PTPRD: variants seen among roughly 807,000 people sequenced by gnomAD.
The protein encoded by PTPRD is protein tyrosine phosphatase receptor type D.
A neutral mutation model predicts 214.5 loss-of-function variants in PTPRD; 34 were observed. The ratio of observed to expected loss-of-function variants is 0.16; its 90% CI spans 0.12 to 0.21. The LOEUF (loss-of-function observed/expected upper bound fraction) is 0.21. Among genes scored for constraint, PTPRD ranks in the 10% least tolerant of loss-of-function variants. The pLI, the probability that PTPRD is intolerant of heterozygous loss-of-function variation, is 1.00. For synonymous variants in PTPRD, 1,128 were observed against 845.7 expected (o/e 1.33, Z -5.79); for missense variants, 2,545 against 2,398.7 (o/e 1.06, Z -1.27).
intron 3 of PTPRD, among the ~76,000 whole-genome samples, chr9:10,316,709 G>C (rs11999996): frequency 0.054 from 8,180 of 151,802 alleles, 719 homozygotes; most frequent in African/African-American, 0.18. Flanking sequence ...TCCACATATA[G>C]TACTAACAGC....
chr9:9,757,701 T>C (rs568672006), intron 6 of PTPRD, among the ~76,000 whole-genome samples: 1 of 152,176 alleles, frequency 6.6e-6, no homozygotes, highest in Non-Finnish European at 1.5e-5. Context: ...TCACATATTA[T>C]GCATTCTATT....
At chr9:10,032,377 A>T (rs1357156963) in intron 4 of PTPRD, among the ~76,000 whole-genome samples, 1 of 152,202 alleles carries the variant, frequency 6.6e-6, no homozygotes, top group Non-Finnish European at 1.5e-5. Flanking sequence ...ACAGATGGCA[A>T]CTTGCCAAGA....
chr9:9,728,006 G>C (rs1045508438), intron 7 of PTPRD, among the ~76,000 whole-genome samples: 2 of 152,124 alleles, frequency 1.3e-5, no homozygotes, highest in Non-Finnish European at 2.9e-5. Flanking sequence ...GGAGGCAATT[G>C]AATCATGGGG....
intron 11 of PTPRD, among the ~76,000 whole-genome samples, chr9:8,805,063 G>C (rs1158731295): frequency 5.9e-5 from 9 of 152,174 alleles, no homozygotes; most frequent in African/African-American, 9.7e-5. Flanking sequence ...CATTTCATGA[G>C]ACCTGTGCTG....
At chr9:8,767,618 G>C (rs1431061761) in intron 11 of PTPRD, among the ~76,000 whole-genome samples, 1 of 152,102 alleles carries the variant, frequency 6.6e-6, no homozygotes, top group Non-Finnish European at 1.5e-5. Context: ...CTTCAACAAA[G>C]AAAACAAACT....
chr9:10,151,387 C>G (rs542735032), intron 3 of PTPRD, among the ~76,000 whole-genome samples: 5 of 150,848 alleles, frequency 3.3e-5, no homozygotes, highest in African/African-American at 9.7e-5. Flanking sequence ...CTCAGCCTCC[C>G]GAGTAGCTGG....
intron 8 of PTPRD, among the ~76,000 whole-genome samples, chr9:9,500,602 T>G (rs1303500693): frequency 6.6e-6 from 1 of 152,044 alleles, no homozygotes; most frequent in Non-Finnish European, 1.5e-5. Context: ...CTGGGCTGTA[T>G]ATAAACAGAC....
At chr9:8,660,996 T>C (rs1262399367) in intron 12 of PTPRD, among the ~76,000 whole-genome samples, 1 of 152,130 alleles carries the variant, frequency 6.6e-6, no homozygotes, top group Non-Finnish European at 1.5e-5. Flanking sequence ...GCACTCACTC[T>C]GGCTATGAAA....
chr9:9,339,440 C>A (rs928525031), intron 9 of PTPRD, among the ~76,000 whole-genome samples: 1 of 151,910 alleles, frequency 6.6e-6, no homozygotes, highest in African/African-American at 2.4e-5. Flanking sequence ...GAGCCGAGAT[C>A]TCGCCACTGC....
chr9:9,029,111 T>C (rs2099596550), intron 10 of PTPRD, among the ~76,000 whole-genome samples: 1 of 151,894 alleles, frequency 6.6e-6, no homozygotes, highest in Non-Finnish European at 1.5e-5. Context: ...TCTATTAAAA[T>C]GAGAATGTTT....
intron 12 of PTPRD, 31 bp from the exon 13 acceptor site, chr9:8,636,875 T>A (rs778049933): frequency 1.9e-6 from 3 of 1,606,002 alleles, no homozygotes; most frequent in South Asian, 1.1e-5. Context: ...CACAGTTAAA[T>A]TGAAAACTGA....
chr9:8,411,812 T>C (rs2093555882), intron 35 of PTPRD, among the ~76,000 whole-genome samples: 1 of 152,194 alleles, frequency 6.6e-6, no homozygotes, highest in South Asian at 2.1e-4. Context: ...GGTGATGTTC[T>C]TTTTTTATTT....
intron 5 of PTPRD, among the ~76,000 whole-genome samples, chr9:9,814,321 G>A (rs1389026555): frequency 1.8e-4 from 23 of 131,264 alleles, no homozygotes; most frequent in East Asian, 1.2e-3. Flanking sequence ...AAAAAAAAAA[G>A]CATCCAAATC....
chr9:8,795,013 T>C (rs971835029), intron 11 of PTPRD, among the ~76,000 whole-genome samples: 1 of 152,152 alleles, frequency 6.6e-6, no homozygotes, highest in Non-Finnish European at 1.5e-5. Flanking sequence ...GGCATGCACT[T>C]ACATTTCTTG....
intron 11 of PTPRD, among the ~76,000 whole-genome samples, chr9:8,907,045 C>T (rs541974346): frequency 1.3e-5 from 2 of 152,098 alleles, no homozygotes; most frequent in Admixed American, 1.3e-4. Flanking sequence ...TTTCTCAACC[C>T]ACATATGTAT....
intron 35 of PTPRD, among the ~76,000 whole-genome samples, chr9:8,416,124 T>G (rs1341093039): frequency 1.3e-5 from 2 of 152,092 alleles, no homozygotes; most frequent in East Asian, 1.9e-4. Context: ...TAAAATAACT[T>G]TGAAAAGCTT....
intron 2 of PTPRD, among the ~76,000 whole-genome samples, chr9:10,361,068 C>T (rs143269385): frequency 6.6e-6 from 1 of 152,100 alleles, no homozygotes; most frequent in Non-Finnish European, 1.5e-5. Flanking sequence ...AGCCACTGCA[C>T]TCCAGCCTGG....
At chr9:9,473,018 AATT>A (rs1301287643) in intron 8 of PTPRD, among the ~76,000 whole-genome samples, 2 of 152,168 alleles carry the variant, frequency 1.3e-5, no homozygotes, top group Admixed American at 6.5e-5. Flanking sequence ...ATATATATGA[AATT>A]ATTGTTAATG....
At chr9:10,465,940 C>T (rs2098990393) in intron 2 of PTPRD, among the ~76,000 whole-genome samples, 1 of 152,058 alleles carries the variant, frequency 6.6e-6, no homozygotes, top group South Asian at 2.1e-4. Context: ...TATAAAAATG[C>T]ATAGATTTAG....
Sources: allele counts gnomAD v4.1 joint callset (sites outside exome capture counted in the v4.1 genomes callset), GRCh38; gene constraint gnomAD v4.1.1; transcripts MANE v1.5; gene names NCBI Gene and HGNC (gene_info 2026-07-23, HGNC 2026-07-21).